FSTL5: variants seen among roughly 807,000 people sequenced by gnomAD.
FSTL5 encodes the protein follistatin like 5.
In FSTL5, 62 loss-of-function variants were observed where a neutral mutation model predicts 89.1. That is an observed-to-expected ratio of 0.70 (90% CI 0.57 to 0.86). FSTL5 has a LOEUF of 0.86. Ranked by LOEUF, FSTL5 falls within the 40% of genes least tolerant of loss-of-function variation. The pLI is 0.00. For synonymous variants in FSTL5, 383 were observed against 346.2 expected (o/e 1.11, Z -1.18); for missense variants, 1,057 against 1,001.6 (o/e 1.06, Z -0.75).
chr4:161,813,414 A>G (rs143257891), intron 4 of FSTL5, among the ~76,000 whole-genome samples: 1 of 152,220 alleles, frequency 6.6e-6, no homozygotes, highest in African/African-American at 2.4e-5. Context: ...AAAAGTAACA[A>G]TAAAAAAAAT....
At chr4:161,653,633 G>A (rs1365356816) in intron 7 of FSTL5, among the ~76,000 whole-genome samples, 1 of 152,070 alleles carries the variant, frequency 6.6e-6, no homozygotes, top group East Asian at 1.9e-4. Context: ...TATATATGTT[G>A]TTTATTTACA....
chr4:161,879,833 T>A, intron 4 of FSTL5, among the ~76,000 whole-genome samples: 1 of 152,220 alleles, frequency 6.6e-6, no homozygotes, highest in East Asian at 1.9e-4. Context: ...TGCTTACACT[T>A]ACCACTATCC....
intron 8 of FSTL5, among the ~76,000 whole-genome samples, chr4:161,579,585 C>T (rs1260964123): frequency 1.3e-5 from 2 of 151,912 alleles, no homozygotes; most frequent in East Asian, 1.9e-4. Context: ...GGCATGGTGG[C>T]AGGCACCTGT....
intron 6 of FSTL5, among the ~76,000 whole-genome samples, chr4:161,758,123 T>A (rs755339537): frequency 1.3e-5 from 2 of 152,176 alleles, no homozygotes; most frequent in Non-Finnish European, 2.9e-5. Context: ...TTATTTTGCT[T>A]AAATTATCAC....
chr4:161,728,895 C>T (rs1332711311), intron 6 of FSTL5, among the ~76,000 whole-genome samples: 1 of 152,120 alleles, frequency 6.6e-6, no homozygotes, highest in East Asian at 1.9e-4. Context: ...GATGCCGCTA[C>T]CACCTGCAGT....
At chr4:161,840,315 G>A (rs1731172090) in intron 4 of FSTL5, among the ~76,000 whole-genome samples, 1 of 152,108 alleles carries the variant, frequency 6.6e-6, no homozygotes, top group Admixed American at 6.6e-5. Flanking sequence ...ATTAAAATGA[G>A]AAGAAGAGAG....
chr4:162,104,606 C>A (rs531966337), intron 2 of FSTL5, among the ~76,000 whole-genome samples: 1 of 152,168 alleles, frequency 6.6e-6, no homozygotes, highest in Non-Finnish European at 1.5e-5. Flanking sequence ...ACTAGTGTAA[C>A]CTGCATTGCC....
chr4:161,589,587 G>A (rs1560968094), intron 7 of FSTL5, among the ~76,000 whole-genome samples: 1 of 151,952 alleles, frequency 6.6e-6, no homozygotes. Flanking sequence ...CAAGGTGCTG[G>A]GATTACAGGA....
intron 7 of FSTL5, among the ~76,000 whole-genome samples, chr4:161,651,602 A>G (rs1331265180): frequency 6.6e-6 from 1 of 152,166 alleles, no homozygotes; most frequent in South Asian, 2.1e-4. Flanking sequence ...AAAACTTACA[A>G]TGTGCCTCAT....
At chr4:162,096,686 T>C (rs1730765205) in intron 2 of FSTL5, among the ~76,000 whole-genome samples, 2 of 151,906 alleles carry the variant, frequency 1.3e-5, no homozygotes, top group African/African-American at 4.8e-5. Context: ...TGTGGACAAG[T>C]AATGTAGCTT....
chr4:161,665,159 T>C (rs1325227112), intron 6 of FSTL5, among the ~76,000 whole-genome samples: 5 of 152,232 alleles, frequency 3.3e-5, no homozygotes, highest in Non-Finnish European at 7.3e-5. Context: ...AACCTGCACA[T>C]ATACGCCTGA....
At chr4:161,513,355 G>A (rs1181432467) in intron 10 of FSTL5, among the ~76,000 whole-genome samples, 1 of 151,270 alleles carries the variant, frequency 6.6e-6, no homozygotes, top group South Asian at 2.1e-4. Context: ...CCTTTTGATG[G>A]GTGGAGGGGA....
At chr4:161,850,640 G>A (rs1034228173) in intron 4 of FSTL5, among the ~76,000 whole-genome samples, 4 of 152,130 alleles carry the variant, frequency 2.6e-5, no homozygotes, top group Non-Finnish European at 5.9e-5. Context: ...TGTTGTCTAA[G>A]GCTGATGGGA....
At chr4:161,587,093 A>G (rs192513674) in intron 8 of FSTL5, among the ~76,000 whole-genome samples, 1 of 152,272 alleles carries the variant, frequency 6.6e-6, no homozygotes, top group East Asian at 1.9e-4. Flanking sequence ...ACAGTAGTCT[A>G]TATCATTAAA....
intron 14 of FSTL5, among the ~76,000 whole-genome samples, chr4:161,458,913 C>T (rs151320801): frequency 1.3e-5 from 2 of 152,310 alleles, no homozygotes; most frequent in East Asian, 3.9e-4. Flanking sequence ...ACTTGCCTTA[C>T]CAAAATTGTT....
chr4:161,909,916 C>A (rs1036732207), intron 4 of FSTL5, among the ~76,000 whole-genome samples: 1 of 152,052 alleles, frequency 6.6e-6, no homozygotes, highest in East Asian at 1.9e-4. Context: ...ATACTGAATA[C>A]TGAATATTGA....
At chr4:161,863,954 G>T (rs1219746517) in intron 4 of FSTL5, among the ~76,000 whole-genome samples, 1 of 152,142 alleles carries the variant, frequency 6.6e-6, no homozygotes. Context: ...GTTTGTTCTT[G>T]TCATTGTCTA....
intron 2 of FSTL5, among the ~76,000 whole-genome samples, chr4:162,053,968 G>T (rs1042029326): frequency 4.6e-5 from 7 of 151,474 alleles, no homozygotes; most frequent in African/African-American, 1.7e-4. Flanking sequence ...TGATGAATCT[G>T]GTATTTAGTA....
In FSTL5 at chr4:162,078,600, T is replaced by G. The variant is rs558065902; in HGVS notation, c.126+32671A>C. On this transcript the variant is annotated intron_variant, in intron 2 of 15. Coordinates refer to ENST00000306100, the MANE Select transcript of FSTL5 (RefSeq NM_020116.5). ...ACTACATTAATAAACTATTCTCAAA[T>G]TTTGCTCACTTTTCCTTCAGCTTCA... Among the ~76,000 whole-genome samples, 5 of 151,926 alleles carry G rather than the reference T, an allele frequency of 3.3e-5. No homozygotes were observed. The South Asian group carries it at 8.3e-4, about 25-fold the overall frequency.
Sources: gnomAD v4.1 joint callset for allele counts (sites outside exome capture counted in the v4.1 genomes callset) on GRCh38, gnomAD v4.1.1 for gene constraint, MANE v1.5 for transcripts, NCBI Gene and HGNC (gene_info 2026-07-23, HGNC 2026-07-21) for gene names.